Variants in HELB observed in about 807,000 individuals in gnomAD.
HELB encodes the protein DNA 5'-3' helicase B.
In HELB, 96 loss-of-function variants were observed where a neutral mutation model predicts 101.7. The ratio of observed to expected loss-of-function variants is 0.94; its 90% CI spans 0.80 to 1.12. The LOEUF is 1.12. HELB is among the 50% of genes most tolerant of loss of function. The probability of loss-of-function intolerance (pLI) is 0.00; values close to 1 mark genes in which losing one functional copy is unlikely to be tolerated. For synonymous variants in HELB, 437 were observed against 459.7 expected (o/e 0.95, Z 0.63); for missense variants, 1,210 against 1,291.9 (o/e 0.94, Z 0.97).
At chr12:66,311,097 A>G (rs1019121137) in intron 4 of HELB, among the ~76,000 whole-genome samples, 1 of 152,124 alleles carries the variant, frequency 6.6e-6, no homozygotes, top group Non-Finnish European at 1.5e-5. Context: ...TTTGCATGAG[A>G]AAGGAGCTAA....
chr12:66,303,490 G>A (rs1015867287), intron 1 of HELB, among the ~76,000 whole-genome samples: 1 of 151,872 alleles, frequency 6.6e-6, no homozygotes. Context: ...AAAATTAGCC[G>A]GGCGTGATGT....
chr12:66,302,549 A>G lies in HELB; in HGVS notation c.-55A>G. The G allele has an allele frequency of 6.5e-7, 1 of 1,536,620 alleles. No individual in the cohort carries two copies. Among genetic ancestry groups the G allele is most frequent in the South Asian group, 1.1e-5 (1 of 87,468 alleles). On this transcript the variant is annotated 5_prime_UTR_variant, in exon 1 of 13. Coordinates refer to ENST00000247815, the MANE Select transcript of HELB (RefSeq NM_001370285.1). ...TCGTAGAACTGATTGGCTGATCATG[A>G]CCATGCAGTTAGCCAGGGTTTTCCC...
chr12:66,316,181 G>C (rs2053602919), intron 6 of HELB, among the ~76,000 whole-genome samples: 1 of 152,146 alleles, frequency 6.6e-6, no homozygotes, highest in Non-Finnish European at 1.5e-5. Context: ...AGGAGCAATA[G>C]GCTGTACTAT....
chr12:66,324,265 AT>A lies in HELB; in HGVS notation c.2526+58del, dbSNP rs2053709905. ...TAACTAATTAGAGATATGTTTGGTT[AT>A]TTTATTGTCCTAGGATTCATTCAGA... is the stretch of plus-strand genomic sequence containing the variant. On this transcript the variant is annotated intron_variant, in intron 10 of 12. Transcript: ENST00000247815. The A allele has an allele frequency of 5.9e-6, 7 of 1,184,812 alleles. No individual in the cohort carries two copies. The East Asian group carries it at 1.4e-4, about 24-fold the overall frequency. 73.4% of individuals were successfully genotyped at this position (1,184,812 alleles called of 1,614,324 possible).
In HELB at chr12:66,302,532, C is replaced by T. The variant is rs2053414789; in HGVS notation, c.-72C>T. On this transcript the variant is annotated 5_prime_UTR_variant, in exon 1 of 13. Coordinates refer to ENST00000247815, the MANE Select transcript of HELB (RefSeq NM_001370285.1). ...AGTTGATGGCCTTACAGTCGTAGAA[C>T]TGATTGGCTGATCATGACCATGCAG... The T allele has an allele frequency of 6.9e-7, 1 of 1,444,870 alleles. No homozygotes were observed. Among genetic ancestry groups the T allele is most frequent in the Admixed American group, 1.8e-5 (1 of 55,980 alleles). The allele number at this position is 1,444,870 out of a possible 1,614,324, so 89.5% of individuals were successfully genotyped here. A position where few individuals can be genotyped will look rare whatever the true frequency, so the allele number is the denominator to read the frequency against.
In HELB at chr12:66,304,008, A is replaced by G. The variant is rs188507499; in HGVS notation, c.188-723A>G. On this transcript the variant is annotated intron_variant, in intron 1 of 12. Transcript: ENST00000247815. Reference sequence around the variant, plus strand: ...TTATTACATTTTAATTTAAATAGCCACGTGGGTGGACAGCGCAGATTTAGG... The same window carrying G: ...TTATTACATTTTAATTTAAATAGCCGCGTGGGTGGACAGCGCAGATTTAGG... 1.9e-3 allele frequency among the ~76,000 whole-genome samples: 287 copies of G among 152,356 alleles called. 1 individual carries two copies. Among genetic ancestry groups the G allele is most frequent in the African/African-American group, 5.8e-3 (241 of 41,582 alleles).
chr12:66,341,924 C>G (rs1367622716), downstream of HELB: 1 of 152,166 alleles, frequency 6.6e-6, no homozygotes, highest in South Asian at 2.1e-4. Context: ...GTCAATTAAA[C>G]CTCTTTTCTT....
At chr12:66,314,938 C>T (rs1278807118) in intron 5 of HELB, among the ~76,000 whole-genome samples, 2 of 150,468 alleles carry the variant, frequency 1.3e-5, no homozygotes, top group Admixed American at 6.6e-5. Context: ...CTTCCACTTT[C>T]AGTAAGACAT....
chr12:66,331,741 G>T, intron 12 of HELB, 96 bp downstream of exon 12: 1 of 1,175,812 alleles, frequency 8.5e-7, no homozygotes, highest in Non-Finnish European at 1.2e-6. Flanking sequence ...GTGTTGCATT[G>T]TGCTGTTGGA....
intron 9 of HELB, among the ~76,000 whole-genome samples, chr12:66,323,091 T>C (rs752975129): frequency 6.6e-6 from 1 of 152,036 alleles, no homozygotes; most frequent in Non-Finnish European, 1.5e-5. Flanking sequence ...AAATTATGTG[T>C]GTAGTGTTTC....
intron 12 of HELB, among the ~76,000 whole-genome samples, chr12:66,333,150 T>C (rs1316616284): frequency 6.6e-6 from 1 of 152,162 alleles, no homozygotes. Context: ...TATTCCAGCA[T>C]AGGCAATAAA....
intron 5 of HELB, among the ~76,000 whole-genome samples, chr12:66,314,670 G>T (rs2053581583): frequency 6.6e-6 from 1 of 152,022 alleles, no homozygotes; most frequent in Non-Finnish European, 1.5e-5. Flanking sequence ...GAATCAAGTT[G>T]TATATAAAAA....
intron 7 of HELB, among the ~76,000 whole-genome samples, chr12:66,320,525 C>T (rs1216987401): frequency 6.6e-6 from 1 of 152,132 alleles, no homozygotes; most frequent in Admixed American, 6.5e-5. Flanking sequence ...AGATCTCTTT[C>T]TTTGCCACTT....
At chr12:66,320,829 G>T (rs1356016532) in intron 7 of HELB, among the ~76,000 whole-genome samples, 1 of 152,108 alleles carries the variant, frequency 6.6e-6, no homozygotes. Flanking sequence ...ATTTGGGCTA[G>T]AATTTCAGAG....
chr12:66,314,275 CGAAGATACCAAAGCTACAT>C, intron 5 of HELB, 112 bp downstream of exon 5: 1 of 923,626 alleles, frequency 1.1e-6, no homozygotes, highest in Non-Finnish European at 1.7e-6. Context: ...CAAAGCTACA[CGAAGATACCAAAGCTACAT>C]GAAATTAAAT....
intron 9 of HELB, among the ~76,000 whole-genome samples, chr12:66,323,314 C>G (rs1328115450): frequency 6.6e-6 from 1 of 151,814 alleles, no homozygotes; most frequent in African/African-American, 2.4e-5. Context: ...GGAAGTTACA[C>G]AAAAATCTGT....
intron 12 of HELB, among the ~76,000 whole-genome samples, chr12:66,333,283 A>G (rs1467571784): frequency 1.3e-5 from 2 of 152,170 alleles, no homozygotes; most frequent in African/African-American, 4.8e-5. Context: ...ATGCCTCCCT[A>G]AAAAGGTGAC....
At chr12:66,322,681 G>T in intron 8 of HELB, 43 bp from the exon 9 acceptor site, 1 of 1,359,680 alleles carries the variant, frequency 7.4e-7, no homozygotes, top group Non-Finnish European at 1.0e-6. Flanking sequence ...TAAACCTGTA[G>T]CAGAGACCAT....
At chr12:66,324,865 T>C (rs2137008268) in intron 10 of HELB, 118 bp from the exon 11 acceptor site, 1 of 1,267,368 alleles carries the variant, frequency 7.9e-7, no homozygotes, top group East Asian at 2.4e-5. Context: ...TTGAAATTCT[T>C]AATGGTAATT....
Sources: allele counts gnomAD v4.1 joint callset (sites outside exome capture counted in the v4.1 genomes callset), GRCh38; gene constraint gnomAD v4.1.1; transcripts MANE v1.5; gene names NCBI Gene and HGNC (gene_info 2026-07-23, HGNC 2026-07-21).